ADAM17: variants seen among roughly 807,000 people sequenced by gnomAD.
The protein encoded by ADAM17 is disintegrin and metalloproteinase domain-containing protein 17.
Under a neutral mutation model 96.7 loss-of-function variants are expected in ADAM17, and 39 were observed. That is an observed-to-expected ratio of 0.40 (90% CI 0.31 to 0.53). The LOEUF is 0.53. ADAM17 is among the 20% of genes least tolerant of loss of function. The pLI is 0.44. For missense variants in ADAM17, 777 were observed against 1,013.2 expected, an observed-to-expected ratio of 0.77 and a Z score of 3.17; for synonymous variants, 344 against 359.2, an observed-to-expected ratio of 0.96 and a Z score of 0.48.
Position 9,497,119 on chromosome 2 carries a change from C to G in ADAM17, c.1778G>C (p.Cys593Ser). The stretch of plus-strand genomic sequence containing the variant: ...CTGGGAATAAAACTGCTCACCATTA[C>G]ATGCACAGGACTCCAGCTGCTGTTC... ...EREQQLESCA[C>S]NETDNSCKVC... Residue 593 changes from cysteine to serine, a missense_variant, in exon 14 of 19, where the codon TGT becomes TCT. Transcript: ENST00000310823. The G allele has an allele frequency of 6.2e-7, 1 of 1,613,812 alleles. No homozygotes were observed. The highest frequency in any genetic ancestry group is 8.5e-7 in the Non-Finnish European group (1 of 1,179,862).
intron 1 of ADAM17, among the ~76,000 whole-genome samples, chr2:9,549,824 A>AT (rs1433386226): frequency 2.0e-5 from 3 of 151,960 alleles, no homozygotes; most frequent in African/African-American, 7.3e-5. Flanking sequence ...CAGCTTGTGG[A>AT]TTTTTTACAT....
At chr2:9,516,678 A>T (rs1664074913) in intron 10 of ADAM17, among the ~76,000 whole-genome samples, 1 of 152,124 alleles carries the variant, frequency 6.6e-6, no homozygotes, top group South Asian at 2.1e-4. Flanking sequence ...GCTTGAACCC[A>T]GAAGGCAGAG....
chr2:9,527,712 A>G, intron 5 of ADAM17, 74 bp downstream of exon 5: 1 of 1,061,186 alleles, frequency 9.4e-7, no homozygotes, highest in South Asian at 3.1e-5. Flanking sequence ...TTTTTTAACA[A>G]ATAACAACCA....
intron 12 of ADAM17, among the ~76,000 whole-genome samples, chr2:9,503,032 C>T (rs912908252): frequency 6.7e-6 from 1 of 149,916 alleles, no homozygotes; most frequent in Admixed American, 6.7e-5. Flanking sequence ...CCCAGCTACT[C>T]GGGAGGCTAA....
intron 5 of ADAM17, among the ~76,000 whole-genome samples, chr2:9,526,585 C>T (rs534613667): frequency 1.1e-4 from 16 of 152,144 alleles, no homozygotes; most frequent in South Asian, 8.3e-4. Flanking sequence ...CACCTGAGGA[C>T]GGGAGTTCGA....
chr2:9,518,039 T>C, intron 9 of ADAM17, 50 bp from the exon 10 acceptor site: 1 of 1,575,978 alleles, frequency 6.3e-7, no homozygotes, highest in Non-Finnish European at 8.6e-7. Context: ...TACAGAATTA[T>C]AATATAATCC....
At chr2:9,494,841 C>T in intron 14 of ADAM17, 74 bp from the exon 15 acceptor site, 1 of 1,562,958 alleles carries the variant, frequency 6.4e-7, no homozygotes, top group South Asian at 1.2e-5. Context: ...TCTTTCCTCC[C>T]TGACCATGCT....
chr2:9,555,805 G>C lies in ADAM17; in HGVS notation c.-200C>G. ...AGTGCAGGTGGCGTTACCAAAGGCC[G>C]GCTCAGCCAGCTTCCGGCCGCCGCT... On this transcript the variant is annotated 5_prime_UTR_variant, in exon 1 of 19. Transcript: ENST00000310823. 2.3e-6 allele frequency: 1 copy of C among 443,282 alleles called. No individual in the cohort carries two copies. The highest frequency in any genetic ancestry group is 5.6e-5 in the South Asian group (1 of 17,936). The allele number at this position is 443,282 out of a possible 1,614,324, so 27.5% of individuals were successfully genotyped here. A position where few individuals can be genotyped will look rare whatever the true frequency, so the allele number is the denominator to read the frequency against.
intron 3 of ADAM17, among the ~76,000 whole-genome samples, chr2:9,536,264 A>G (rs1664955292): frequency 6.6e-6 from 1 of 152,202 alleles, no homozygotes; most frequent in Non-Finnish European, 1.5e-5. Flanking sequence ...CTATTTGTGG[A>G]TTTCAATGAC....
intron 11 of ADAM17, 128 bp downstream of exon 11, chr2:9,509,851 T>C (rs546596713): frequency 3.0e-5 from 36 of 1,209,188 alleles, no homozygotes; most frequent in South Asian, 2.8e-4. Context: ...CGTTTCAAGG[T>C]ACTTTGTAAT....
In ADAM17 at chr2:9,490,152, T is replaced by G; in HGVS notation, c.*25A>C. The G allele has an allele frequency of 1.3e-6, 2 of 1,560,930 alleles. No homozygotes were observed. The highest frequency in any genetic ancestry group is 1.7e-6 in the Non-Finnish European group (2 of 1,144,790). On this transcript the variant is annotated 3_prime_UTR_variant, in exon 19 of 19. Coordinates refer to ENST00000310823, the MANE Select transcript of ADAM17 (RefSeq NM_003183.6). The stretch of plus-strand genomic sequence containing the variant: ...AATCTATAAAAATATTTTGCACACT[T>G]AAGTCAGAAGAGCTGAGAACTAAAT...
At chr2:9,520,986 AG>A (rs1664285179) in intron 8 of ADAM17, among the ~76,000 whole-genome samples, 12 of 124,630 alleles carry the variant, frequency 9.6e-5, no homozygotes, top group Non-Finnish European at 1.3e-4. Context: ...AAAAAAAAAA[AG>A]GAAGCATTGC....
At chr2:9,504,863 G>A (rs1345064705) in intron 12 of ADAM17, among the ~76,000 whole-genome samples, 1 of 151,848 alleles carries the variant, frequency 6.6e-6, no homozygotes, top group East Asian at 1.9e-4. Context: ...CTGCTTTCCA[G>A]AAAGCTTCTT....
At position 9,554,941 on chromosome 2, in the gene ADAM17, C is replaced by A. The variant is rs578208172; in HGVS notation, c.97+568G>T. On this transcript the variant is annotated intron_variant, in intron 1 of 18. Coordinates refer to ENST00000310823, the MANE Select transcript of ADAM17 (RefSeq NM_003183.6). ...TCTCCCAAGCACCTCCAATAAGCTA[C>A]AATTGAAATAACCAAGAACGTGCTT... is the stretch of plus-strand genomic sequence containing the variant. 1.6e-4 allele frequency among the ~76,000 whole-genome samples: 24 copies of A among 152,248 alleles called. No homozygotes were observed. In the South Asian group the frequency reaches 4.6e-3, roughly 29 times the overall value.
At chr2:9,529,744 G>A (rs1664664757) in intron 4 of ADAM17, among the ~76,000 whole-genome samples, 1 of 152,108 alleles carries the variant, frequency 6.6e-6, no homozygotes, top group South Asian at 2.1e-4. Context: ...GGCCATGGTG[G>A]GCAGATAACT....
rs572752228 is a variant in ADAM17 at position 9,536,895 on chromosome 2, A to G, written c.231-67T>C. 4 of 1,535,822 alleles carry G rather than the reference A, an allele frequency of 2.6e-6. No homozygotes were observed. In the East Asian group the frequency reaches 9.2e-5, roughly 35 times the overall value. ...TTTTAAGTCTCATTTTCACATAATT[A>G]AACTTTCTTAAAAAGCCAGAAGCAT... On this transcript the variant is annotated intron_variant, in intron 2 of 18. Coordinates refer to ENST00000310823, the MANE Select transcript of ADAM17 (RefSeq NM_003183.6).
intron 4 of ADAM17, among the ~76,000 whole-genome samples, chr2:9,531,588 G>A (rs1664741495): frequency 6.6e-6 from 1 of 152,142 alleles, no homozygotes. Context: ...TGTAATCCCA[G>A]CTACTTGGGA....
At chr2:9,514,547 ATATATATATATATATATATAT>A (rs2125014243) in intron 10 of ADAM17, among the ~76,000 whole-genome samples, 1 of 96,022 alleles carries the variant, frequency 1.0e-5, no homozygotes, top group African/African-American at 3.2e-5. Flanking sequence ...ATATATATAT[ATATATATATATATATATATAT>A]AAATAAAAAG....
At chr2:9,513,531 C>T (rs982535351) in intron 10 of ADAM17, among the ~76,000 whole-genome samples, 6 of 151,956 alleles carry the variant, frequency 3.9e-5, no homozygotes, top group Non-Finnish European at 8.8e-5. Flanking sequence ...ATACTATTTC[C>T]GGGTGGAGAG....
Sources: allele counts gnomAD v4.1 joint callset (sites outside exome capture counted in the v4.1 genomes callset), GRCh38; gene constraint gnomAD v4.1.1; transcripts MANE v1.5; gene names NCBI Gene and HGNC (gene_info 2026-07-23, HGNC 2026-07-21).